Variants in HERPUD2 observed in about 807,000 individuals in gnomAD.
The protein encoded by HERPUD2 is HERPUD family member 2.
A neutral mutation model predicts 49.9 loss-of-function variants in HERPUD2; 13 were observed. That is an observed-to-expected ratio of 0.26 (90% confidence interval 0.17 to 0.41). The LOEUF is 0.41. HERPUD2 is among the 10% of genes least tolerant of loss of function. HERPUD2 has a pLI of 1.00. For synonymous variants in HERPUD2, 172 were observed against 171.4 expected (o/e 1.00, Z -0.03); for missense variants, 449 against 492.2 (o/e 0.91, Z 0.83).
rs1053243109 is a variant in HERPUD2, at chr7:35,638,209, G to T, written c.617+141C>A. 9 of 656,654 alleles carry T rather than the reference G, an allele frequency of 1.4e-5. No homozygotes were observed. In the African/African-American group the frequency reaches 1.6e-4, roughly 12 times the overall value. 40.7% of individuals were successfully genotyped at this position (656,654 alleles called of 1,614,324 possible). On this transcript the variant is annotated intron_variant, in intron 6 of 8. Transcript: ENST00000311350. ...GGGCAGGGTTAGTTCATGTGAACTG[G>T]AGGTGAACCCTTTTTCCTTTAGTCA...
intron 5 of HERPUD2, among the ~76,000 whole-genome samples, chr7:35,645,885 A>T (rs780512217): frequency 4.0e-4 from 61 of 152,322 alleles, no homozygotes; most frequent in Admixed American, 7.8e-4. Context: ...GTGGTGTAAG[A>T]CATAGAAATG....
intron 8 of HERPUD2, 21 bp from the exon 9 acceptor site, chr7:35,633,872 G>T (rs749078118): frequency 6.2e-6 from 10 of 1,608,296 alleles, no homozygotes; most frequent in Non-Finnish European, 8.5e-6. Flanking sequence ...AAACAAGAAA[G>T]ATACTCCTGA....
At chr7:35,640,585 C>T (rs760257280) in intron 5 of HERPUD2, among the ~76,000 whole-genome samples, 16 of 152,190 alleles carry the variant, frequency 1.1e-4, no homozygotes, top group African/African-American at 1.4e-4. Flanking sequence ...AACTACTGGA[C>T]GATATAATTG....
chr7:35,674,999 C>T (rs2115987633), intron 2 of HERPUD2, among the ~76,000 whole-genome samples: 1 of 152,234 alleles, frequency 6.6e-6, no homozygotes. Flanking sequence ...TAATTGAACC[C>T]CAGGAGGGGG....
chr7:35,689,269 C>T (rs1786131391), intron 2 of HERPUD2, among the ~76,000 whole-genome samples: 1 of 152,166 alleles, frequency 6.6e-6, no homozygotes, highest in Non-Finnish European at 1.5e-5. Context: ...TTTTCATCAA[C>T]TTTCACATTC....
At chr7:35,665,232 C>A (rs1785511779) in intron 5 of HERPUD2, among the ~76,000 whole-genome samples, 1 of 152,224 alleles carries the variant, frequency 6.6e-6, no homozygotes, top group Admixed American at 6.5e-5. Flanking sequence ...TCTACAGAGG[C>A]AGGGAGGCCT....
At chr7:35,684,519 C>A (rs549455252) in intron 2 of HERPUD2, among the ~76,000 whole-genome samples, 17 of 126,698 alleles carry the variant, frequency 1.3e-4, no homozygotes, top group African/African-American at 4.6e-4. Context: ...CTGTGAGAGA[C>A]AGATATATAT....
At position 35,673,182 on chromosome 7, in the gene HERPUD2, T is replaced by C. The variant is rs373518482; in HGVS notation, c.225+19A>G. Reference sequence around the variant, plus strand: ...CATTCTGAATGTATCTGGTATCAAATAGTGGTAGAAAAGCTTACTTTTCTG... The same window carrying C: ...CATTCTGAATGTATCTGGTATCAAACAGTGGTAGAAAAGCTTACTTTTCTG... On this transcript the variant is annotated intron_variant, in intron 3 of 8. Coordinates refer to ENST00000311350, the MANE Select transcript of HERPUD2 (RefSeq NM_022373.5). 65 of 1,588,552 alleles carry C rather than the reference T, an allele frequency of 4.1e-5. No individual in the cohort carries two copies. The highest frequency in any genetic ancestry group is 4.7e-5 in the Non-Finnish European group (55 of 1,159,808).
At chr7:35,684,354 C>A (rs1436406218) in intron 2 of HERPUD2, among the ~76,000 whole-genome samples, 1 of 151,810 alleles carries the variant, frequency 6.6e-6, no homozygotes, top group Non-Finnish European at 1.5e-5. Flanking sequence ...CGCACCACTG[C>A]ACTCCAGCCT....
At chr7:35,674,743 G>A (rs1319080204) in intron 2 of HERPUD2, among the ~76,000 whole-genome samples, 10 of 148,604 alleles carry the variant, frequency 6.7e-5, no homozygotes, top group Non-Finnish European at 1.5e-4. Flanking sequence ...AATCAATCAC[G>A]CCTACCTAAC....
intron 2 of HERPUD2, among the ~76,000 whole-genome samples, chr7:35,676,827 T>C (rs1341566038): frequency 1.3e-5 from 2 of 152,204 alleles, no homozygotes; most frequent in Non-Finnish European, 2.9e-5. Context: ...TGTTTTATCC[T>C]ACTACATGTA....
chr7:35,683,540 G>A (rs1165711599), intron 2 of HERPUD2, among the ~76,000 whole-genome samples: 2 of 152,198 alleles, frequency 1.3e-5, no homozygotes, highest in Non-Finnish European at 2.9e-5. Flanking sequence ...GAACCCAAAA[G>A]CAAATGCAAT....
chr7:35,634,454 T>C, intron 7 of HERPUD2, 25 bp from the exon 8 acceptor site: 2 of 1,407,938 alleles, frequency 1.4e-6, no homozygotes. Context: ...AAAGAGAAAA[T>C]AAAATAAGTC....
intron 3 of HERPUD2, among the ~76,000 whole-genome samples, chr7:35,671,818 A>T (rs1785650001): frequency 6.6e-6 from 1 of 152,054 alleles, no homozygotes; most frequent in African/African-American, 2.4e-5. Context: ...AAATCTTTTT[A>T]AAAGTCTTCA....
chr7:35,649,879 G>C (rs1157074086), intron 5 of HERPUD2, among the ~76,000 whole-genome samples: 1 of 152,288 alleles, frequency 6.6e-6, no homozygotes, highest in African/African-American at 2.4e-5. Context: ...CAAAAGGGAA[G>C]AGGGTATAAT....
chr7:35,692,235 G>A (rs1202695973), intron 2 of HERPUD2, among the ~76,000 whole-genome samples: 1 of 152,178 alleles, frequency 6.6e-6, no homozygotes, highest in East Asian at 1.9e-4. Flanking sequence ...TGCTGCACAG[G>A]CAGACCTCCT....
intron 4 of HERPUD2, among the ~76,000 whole-genome samples, chr7:35,667,883 T>C (rs1315843889): frequency 6.6e-6 from 1 of 152,178 alleles, no homozygotes; most frequent in Non-Finnish European, 1.5e-5. Flanking sequence ...AGTTAATGCA[T>C]AAAAAGCTCT....
intron 5 of HERPUD2, among the ~76,000 whole-genome samples, chr7:35,662,639 T>C (rs1785448986): frequency 6.6e-6 from 1 of 152,248 alleles, no homozygotes; most frequent in Non-Finnish European, 1.5e-5. Flanking sequence ...CCATTTCTTC[T>C]AGATTTTCTA....
chr7:35,635,513 T>C lies in HERPUD2; in HGVS notation c.618-55A>G, dbSNP rs1192765653. On this transcript the variant is annotated intron_variant, in intron 6 of 8. Transcript: ENST00000311350. ...AAGAAAAAAAAACTTTACCATACCA[T>C]ATTTTTTTAAACTTCTTGGGGAGCT... The C allele has an allele frequency of 6.2e-6, 9 of 1,451,668 alleles. No homozygotes were observed. In the Admixed American group the frequency reaches 6.8e-5, roughly 11 times the overall value. The allele number at this position is 1,451,668 out of a possible 1,614,324, so 89.9% of individuals were successfully genotyped here. A position where few individuals can be genotyped will look rare whatever the true frequency, so the allele number is the denominator to read the frequency against.
Sources: gnomAD v4.1 joint callset for allele counts (sites outside exome capture counted in the v4.1 genomes callset) on GRCh38, gnomAD v4.1.1 for gene constraint, MANE v1.5 for transcripts, NCBI Gene and HGNC (gene_info 2026-07-23, HGNC 2026-07-21) for gene names.